BCL2L2: variants seen among roughly 807,000 people sequenced by gnomAD.
BCL2L2 encodes BCL2 like 2.
A neutral mutation model predicts 14.6 loss-of-function variants in BCL2L2; 6 were observed. The ratio of observed to expected loss-of-function variants is 0.41; its 90% CI spans 0.22 to 0.81. The LOEUF (loss-of-function observed/expected upper bound fraction) is 0.81. Among genes scored for constraint, BCL2L2 ranks in the 30% least tolerant of loss-of-function variants. BCL2L2 has a pLI of 0.32. For synonymous variants in BCL2L2, 90 were observed against 108.5 expected (o/e 0.83, Z 1.06); for missense variants, 191 against 260.5 (o/e 0.73, Z 1.84).
In BCL2L2 at chr14:23,310,460, T is replaced by G. The variant is rs919977864; in HGVS notation, c.*1495T>G. The G allele has an allele frequency of 2.5e-5, 25 of 1,008,750 alleles. No individual in the cohort carries two copies. Among genetic ancestry groups the G allele is most frequent in the Admixed American group, 1.6e-4 (3 of 18,780 alleles). 62.5% of individuals were successfully genotyped at this position (1,008,750 alleles called of 1,614,324 possible). On this transcript the variant is annotated 3_prime_UTR_variant, in exon 4 of 4. Transcript: ENST00000250405. ...ACCATGGTTGACTCTTCTTGGAGAT[T>G]TTCACTTGGTCCTAGAATGTGGCAA...
At position 23,306,909 on chromosome 14, in the gene BCL2L2, C is replaced by A; in HGVS notation, c.-97+15C>A. On this transcript the variant is annotated intron_variant, in intron 1 of 3. Transcript: ENST00000250405. ...CGGCCTGACCCGTGAGATCCCTAACCTGGCAGGCGGGCGGGGTTGGAGACT... is the reference window on the plus strand; with the variant it reads ...CGGCCTGACCCGTGAGATCCCTAACATGGCAGGCGGGCGGGGTTGGAGACT... 6.5e-6 allele frequency: 1 copy of A among 152,892 alleles called. No individual in the cohort carries two copies. The highest frequency in any genetic ancestry group is 1.5e-5 in the Non-Finnish European group (1 of 68,484). 9.5% of individuals were successfully genotyped at this position (152,892 alleles called of 1,614,324 possible). A position where few individuals can be genotyped will look rare whatever the true frequency, so the allele number is the denominator to read the frequency against.
In BCL2L2 at chr14:23,309,728, G is replaced by A; in HGVS notation, c.*763G>A. The stretch of plus-strand genomic sequence containing the variant: ...TGTTCCTTCATCATCCCCCTTCCTT[G>A]TGCATTATGCACTTGCTGCTGCCTC... On this transcript the variant is annotated 3_prime_UTR_variant, in exon 4 of 4. Coordinates refer to ENST00000250405, the MANE Select transcript of BCL2L2 (RefSeq NM_004050.5). 1 of 985,624 alleles carries A rather than the reference G, an allele frequency of 1.0e-6. No homozygotes were observed. The highest frequency in any genetic ancestry group is 4.7e-5 in the South Asian group (1 of 21,284). The allele number at this position is 985,624 out of a possible 1,614,324, so 61.1% of individuals were successfully genotyped here.
chr14:23,311,006 A>G lies in BCL2L2; in HGVS notation c.*2041A>G. The G allele has an allele frequency of 7.8e-7, 1 of 1,289,560 alleles. No homozygotes were observed. Among genetic ancestry groups the G allele is most frequent in the Non-Finnish European group, 1.0e-6 (1 of 988,692 alleles). 79.9% of individuals were successfully genotyped at this position (1,289,560 alleles called of 1,614,324 possible). Reference sequence around the variant, plus strand: ...CACACTCTTCACCCTACCCTCTACCACAGGACACATATCCCTGTTAGCATT... The same window carrying G: ...CACACTCTTCACCCTACCCTCTACCGCAGGACACATATCCCTGTTAGCATT... On this transcript the variant is annotated 3_prime_UTR_variant, in exon 4 of 4. Transcript: ENST00000250405.
intron 2 of BCL2L2, 23 bp from the exon 3 acceptor site, chr14:23,307,737 T>A (rs763043862): frequency 3.3e-6 from 5 of 1,516,648 alleles, no homozygotes; most frequent in Middle Eastern, 1.8e-4. Context: ...TTCATGCCAG[T>A]CTTTCATCCT....
At chr14:23,307,648 C>T in intron 2 of BCL2L2, 112 bp from the exon 3 acceptor site, 3 of 1,406,424 alleles carry the variant, frequency 2.1e-6, no homozygotes, top group South Asian at 3.0e-5. Flanking sequence ...TCCAGTGAGT[C>T]CTGAGCATTT....
Position 23,310,926 on chromosome 14 carries a change from T to C in BCL2L2, c.*1961T>C. On this transcript the variant is annotated 3_prime_UTR_variant, in exon 4 of 4. Transcript: ENST00000250405. ...TGCTGAAAAAAAGTTGGAAAACCACTGACTAGACCATCGGCTCCAAATTGG... is the reference window on the plus strand; with the variant it reads ...TGCTGAAAAAAAGTTGGAAAACCACCGACTAGACCATCGGCTCCAAATTGG... 1 of 1,289,460 alleles carries C rather than the reference T, an allele frequency of 7.8e-7. No homozygotes were observed. Among genetic ancestry groups the C allele is most frequent in the Non-Finnish European group, 1.0e-6 (1 of 988,632 alleles). 79.9% of individuals were successfully genotyped at this position (1,289,460 alleles called of 1,614,324 possible). A position where few individuals can be genotyped will look rare whatever the true frequency, so the allele number is the denominator to read the frequency against.
Position 23,309,023 on chromosome 14 carries a change from C to G in BCL2L2, c.*58C>G. The G allele has an allele frequency of 7.6e-7, 1 of 1,315,280 alleles. No individual in the cohort carries two copies. The highest frequency in any genetic ancestry group is 9.8e-7 in the Non-Finnish European group (1 of 1,024,160). 81.5% of individuals were successfully genotyped at this position (1,315,280 alleles called of 1,614,324 possible). A position where few individuals can be genotyped will look rare whatever the true frequency, so the allele number is the denominator to read the frequency against. On this transcript the variant is annotated 3_prime_UTR_variant, in exon 4 of 4. Coordinates refer to ENST00000250405, the MANE Select transcript of BCL2L2 (RefSeq NM_004050.5). ...GGGGGCCAGGAGAGCAGGAACAGAA[C>G]AGAGAAATGCCCTTGGAAGAAGTGG...
rs745978918 is a variant in BCL2L2 at position 23,308,017 on chromosome 14, G to A, written c.250G>A (p.Asp84Asn). The change falls in exon 3 of 4, where the codon GAT becomes AAT. Residue 84 changes from aspartate (D) to asparagine (N), a missense_variant. Transcript: ENST00000250405. The surrounding 1 kb of genome is among the most constrained non-coding windows in gnomAD (Gnocchi z 5.4). ...CCAACAACGCTTCACCCAGGTCTCC[G>A]ATGAACTTTTTCAAGGGGGCCCCAA... Reference protein sequence around the residue: ...SAQQRFTQVSDELFQGGPNWG... With the variant: ...SAQQRFTQVSNELFQGGPNWG... 2 of 1,614,122 alleles carry A rather than the reference G, an allele frequency of 1.2e-6. No homozygotes were observed. Among genetic ancestry groups the A allele is most frequent in the East Asian group, 2.2e-5 (1 of 44,874 alleles).
At position 23,308,937 on chromosome 14, in the gene BCL2L2, C is replaced by T; in HGVS notation, c.554C>T (p.Thr185Ile). 7.6e-7 allele frequency: 1 copy of T among 1,323,840 alleles called. No homozygotes were observed. Among genetic ancestry groups the T allele is most frequent in the Non-Finnish European group, 9.7e-7 (1 of 1,028,232 alleles). The allele number at this position is 1,323,840 out of a possible 1,614,324, so 82.0% of individuals were successfully genotyped here. Reference sequence around the variant, plus strand: ...GCCGTGGCACTGGGGGCCCTGGTAACTGTAGGGGCCTTTTTTGCTAGCAAG... The same window carrying T: ...GCCGTGGCACTGGGGGCCCTGGTAATTGTAGGGGCCTTTTTTGCTAGCAAG... ...TGAVALGALVTVGAFFASK is the reference protein window; with the variant it reads ...TGAVALGALVIVGAFFASK The change falls in exon 4 of 4, where the codon ACT (threonine) becomes ATT (isoleucine). Residue 185 changes from threonine to isoleucine, a missense_variant. Physicochemically the swap from Thr to Ile is moderately conservative, Grantham distance 89. Transcript: ENST00000250405. The surrounding 1 kb of genome is among the most constrained non-coding windows in gnomAD (Gnocchi z 5.4).
At position 23,310,098 on chromosome 14, in the gene BCL2L2, C is replaced by G. The variant is rs974716518; in HGVS notation, c.*1133C>G. The G allele has an allele frequency of 1.2e-5, 12 of 985,296 alleles. No homozygotes were observed. The highest frequency in any genetic ancestry group is 1.4e-5 in the Non-Finnish European group (12 of 830,034). 61.0% of individuals were successfully genotyped at this position (985,296 alleles called of 1,614,324 possible). ...CTATGCTGTGTTGTGGGCTTTGGTTCGGCTTTATCAGGGGCCAGGCATATG... is the reference window on the plus strand; with the variant it reads ...CTATGCTGTGTTGTGGGCTTTGGTTGGGCTTTATCAGGGGCCAGGCATATG... On this transcript the variant is annotated 3_prime_UTR_variant, in exon 4 of 4. Coordinates refer to ENST00000250405, the MANE Select transcript of BCL2L2 (RefSeq NM_004050.5).
chr14:23,309,186 A>G lies in BCL2L2; in HGVS notation c.*221A>G, dbSNP rs114093099. 2.3e-3 allele frequency: 2,735 copies of G among 1,180,858 alleles called. 62 individuals carry two copies. In the African/African-American group the frequency reaches 0.04, roughly 17 times the overall value. The allele number at this position is 1,180,858 out of a possible 1,614,324, so 73.1% of individuals were successfully genotyped here. On this transcript the variant is annotated 3_prime_UTR_variant, in exon 4 of 4. Coordinates refer to ENST00000250405, the MANE Select transcript of BCL2L2 (RefSeq NM_004050.5). ...GGAATGTTTTGGCAAGTTTAGGGGCACAGGAGATGTAGTCGTTCCAGGGCT... is the reference window on the plus strand; with the variant it reads ...GGAATGTTTTGGCAAGTTTAGGGGCGCAGGAGATGTAGTCGTTCCAGGGCT...
In BCL2L2 at chr14:23,309,079, TGGGCAGAGAAA is replaced by T; in HGVS notation, c.*118_*128del. ...GTGGATGGGTGGGCATGGAACAGGA[TGGGCAGAGAAA>T]GGGTAGTGTGTGAGGGAGCTGAGTA... On this transcript the variant is annotated 3_prime_UTR_variant, in exon 4 of 4. Coordinates refer to ENST00000250405, the MANE Select transcript of BCL2L2 (RefSeq NM_004050.5). The T allele has an allele frequency of 7.9e-7, 1 of 1,266,750 alleles. No homozygotes were observed. The highest frequency in any genetic ancestry group is 1.0e-6 in the Non-Finnish European group (1 of 999,212). 78.5% of individuals were successfully genotyped at this position (1,266,750 alleles called of 1,614,324 possible).
At position 23,308,842 on chromosome 14, in the gene BCL2L2, C is replaced by A; in HGVS notation, c.459C>A (p.Asp153Glu). The A allele has an allele frequency of 7.6e-7, 1 of 1,320,614 alleles. No homozygotes were observed. The highest frequency in any genetic ancestry group is 1.5e-5 in the African/African-American group (1 of 66,524). 81.8% of individuals were successfully genotyped at this position (1,320,614 alleles called of 1,614,324 possible). A position where few individuals can be genotyped will look rare whatever the true frequency, so the allele number is the denominator to read the frequency against. The change falls in exon 4 of 4, where the codon GAC becomes GAA. Residue 153 changes from aspartate to glutamate, a missense_variant. Asp to Glu is a conservative substitution (Grantham distance 45, BLOSUM62 2). Transcript: ENST00000250405. The surrounding 1 kb of genome is among the most constrained non-coding windows in gnomAD (Gnocchi z 5.4). ...GWAEFTALYG[D>E]GALEEARRLR... ...CGGAGTTCACAGCTCTATACGGGGA[C>A]GGGGCCCTGGAGGAGGCGCGGCGTC...
chr14:23,307,931 C>G lies in BCL2L2; in HGVS notation c.164C>G (p.Thr55Ser). 1 of 1,613,828 alleles carries G rather than the reference C, an allele frequency of 6.2e-7. No homozygotes were observed. The highest frequency in any genetic ancestry group is 1.1e-5 in the South Asian group (1 of 91,060). Residue 55 changes from threonine (T) to serine (S), a missense_variant, in exon 3 of 4, where the codon ACC becomes AGC. Thr to Ser is a moderately conservative substitution (Grantham distance 58, BLOSUM62 1). Coordinates refer to ENST00000250405, the MANE Select transcript of BCL2L2 (RefSeq NM_004050.5). ...AMRAAGDEFE[T>S]RFRRTFSDLA... ...CGGGCAGCTGGAGATGAGTTCGAGACCCGCTTCCGGCGCACCTTCTCTGAT... is the reference window on the plus strand; with the variant it reads ...CGGGCAGCTGGAGATGAGTTCGAGAGCCGCTTCCGGCGCACCTTCTCTGAT...
chr14:23,311,635 A>G lies in BCL2L2; in HGVS notation c.*2670A>G. 1 of 935,010 alleles carries G rather than the reference A, an allele frequency of 1.1e-6. No individual in the cohort carries two copies. Among genetic ancestry groups the G allele is most frequent in the Non-Finnish European group, 1.3e-6 (1 of 784,046 alleles). 57.9% of individuals were successfully genotyped at this position (935,010 alleles called of 1,614,324 possible). A position where few individuals can be genotyped will look rare whatever the true frequency, so the allele number is the denominator to read the frequency against. On this transcript the variant is annotated 3_prime_UTR_variant, in exon 4 of 4. Transcript: ENST00000250405. The stretch of plus-strand genomic sequence containing the variant: ...GAAAGCTCTATAAATATAAATCTAT[A>G]TTCCTGTATTTTTATTTAATAATTT...
chr14:23,309,150 CAG>C lies in BCL2L2; in HGVS notation c.*188_*189del, dbSNP rs756604897. 5.7e-6 allele frequency: 7 copies of C among 1,225,646 alleles called. No homozygotes were observed. The highest frequency in any genetic ancestry group is 4.5e-5 in the Admixed American group (1 of 22,286). 75.9% of individuals were successfully genotyped at this position (1,225,646 alleles called of 1,614,324 possible). A position where few individuals can be genotyped will look rare whatever the true frequency, so the allele number is the denominator to read the frequency against. On this transcript the variant is annotated 3_prime_UTR_variant, in exon 4 of 4. Transcript: ENST00000250405. ...GGCGATTGGAAGAGTGAGCAGGACA[CAG>C]AGGGGAGGGGAATGTTTTGGCAAGT...
At position 23,310,963 on chromosome 14, in the gene BCL2L2, C is replaced by T; in HGVS notation, c.*1998C>T. ...CGGCTCCAAATTGGAGTCTGTGCTT[C>T]CTTCCCCAGGTATGGAGCACACTCT... is the stretch of plus-strand genomic sequence containing the variant. On this transcript the variant is annotated 3_prime_UTR_variant, in exon 4 of 4. Coordinates refer to ENST00000250405, the MANE Select transcript of BCL2L2 (RefSeq NM_004050.5). The T allele has an allele frequency of 7.8e-7, 1 of 1,289,606 alleles. No homozygotes were observed. The highest frequency in any genetic ancestry group is 1.0e-6 in the Non-Finnish European group (1 of 988,694). 79.9% of individuals were successfully genotyped at this position (1,289,606 alleles called of 1,614,324 possible). A position where few individuals can be genotyped will look rare whatever the true frequency, so the allele number is the denominator to read the frequency against.
At position 23,310,501 on chromosome 14, in the gene BCL2L2, C is replaced by A; in HGVS notation, c.*1536C>A. The A allele has an allele frequency of 9.7e-7, 1 of 1,036,220 alleles. No homozygotes were observed. The highest frequency in any genetic ancestry group is 1.2e-6 in the Non-Finnish European group (1 of 861,312). The allele number at this position is 1,036,220 out of a possible 1,614,324, so 64.2% of individuals were successfully genotyped here. A position where few individuals can be genotyped will look rare whatever the true frequency, so the allele number is the denominator to read the frequency against. On this transcript the variant is annotated 3_prime_UTR_variant, in exon 4 of 4. Transcript: ENST00000250405. ...AATGTGGCAACGTAGTTGTGCTCGCCAGAACGTGGGACCAAATTGGCCTCA... is the reference window on the plus strand; with the variant it reads ...AATGTGGCAACGTAGTTGTGCTCGCAAGAACGTGGGACCAAATTGGCCTCA...
rs1887525210 is a variant in BCL2L2, at chr14:23,310,250, A to C, written c.*1285A>C. 1.0e-6 allele frequency: 1 copy of C among 985,894 alleles called. No homozygotes were observed. The highest frequency in any genetic ancestry group is 1.2e-6 in the Non-Finnish European group (1 of 830,048). The allele number at this position is 985,894 out of a possible 1,614,324, so 61.1% of individuals were successfully genotyped here. ...TTAACTTTGGAACTCGCAGTCCTCT[A>C]GAACAGCTTCAGATTATGGCTTTTT... is the stretch of plus-strand genomic sequence containing the variant. On this transcript the variant is annotated 3_prime_UTR_variant, in exon 4 of 4. Coordinates refer to ENST00000250405, the MANE Select transcript of BCL2L2 (RefSeq NM_004050.5).
Sources: allele counts gnomAD v4.1 joint callset, GRCh38; gene constraint gnomAD v4.1.1; non-coding constraint Gnocchi (gnomAD v3.1); transcripts MANE v1.5; gene names NCBI Gene and HGNC (gene_info 2026-07-23, HGNC 2026-07-21).